The following RPS6KA2 variants were observed in gnomAD, a reference collection of about 807,000 sequenced individuals.
RPS6KA2 encodes the protein ribosomal protein S6 kinase A2.
RPS6KA2 carries 42 observed loss-of-function variants against 91.8 expected under a neutral mutation model. The observed-to-expected ratio is 0.46, with a 90% CI of 0.36 to 0.59. The LOEUF (loss-of-function observed/expected upper bound fraction) is 0.59, where lower values mean the gene tolerates loss of function less well. Ranked by LOEUF, RPS6KA2 falls within the 20% of genes least tolerant of loss-of-function variation. The pLI is 0.00. For synonymous variants in RPS6KA2, 414 were observed against 393.6 expected, an observed-to-expected ratio of 1.05 and a Z score of -0.61; for missense variants, 798 against 978.5, an observed-to-expected ratio of 0.82 and a Z score of 2.46.
chr6:166,678,100 T>G (rs1788668245), intron 2 of RPS6KA2, among the ~76,000 whole-genome samples: 1 of 152,218 alleles, frequency 6.6e-6, no homozygotes, highest in Admixed American at 6.5e-5. Context: ...GATCCACACC[T>G]GTGCTGTGTT....
chr6:166,679,939 TC>T (rs1477707825), intron 2 of RPS6KA2, among the ~76,000 whole-genome samples: 1 of 152,224 alleles, frequency 6.6e-6, no homozygotes, highest in Non-Finnish European at 1.5e-5. Context: ...GCAAAGTCCC[TC>T]GGCAGTGCCA....
intron 2 of RPS6KA2, among the ~76,000 whole-genome samples, chr6:166,803,184 CA>C (rs1779413029): frequency 6.6e-6 from 1 of 152,120 alleles, no homozygotes; most frequent in African/African-American, 2.4e-5. Context: ...AATAGAAAAT[CA>C]AAAGTATTTG....
At chr6:166,573,657 C>T (rs760299716) in intron 1 of RPS6KA2, among the ~76,000 whole-genome samples, 3 of 152,222 alleles carry the variant, frequency 2.0e-5, no homozygotes, top group Non-Finnish European at 4.4e-5. Flanking sequence ...CCGGCCTTTG[C>T]TGCACTTACT....
rs1014449309 is a variant in RPS6KA2 at position 166,849,244 on chromosome 6, G to A, written c.123+8956C>T. The stretch of plus-strand genomic sequence containing the variant: ...AGTCAGGTCGTGGCCTAAACATGGC[G>A]TGGGTAGAGAAGTCTACGGTAACCA... On this transcript the variant is annotated intron_variant, in intron 2 of 21. Coordinates refer to the RPS6KA2 transcript ENST00000503859. This position sits in a 1 kb window ranked among gnomAD's most constrained non-coding sequence, Gnocchi z 4.9. Among the ~76,000 whole-genome samples the A allele has an allele frequency of 8.5e-5, 13 of 152,194 alleles. No individual in the cohort carries two copies. Among genetic ancestry groups the A allele is most frequent in the Non-Finnish European group, 1.5e-4 (10 of 68,034 alleles).
At chr6:166,544,161 A>T (rs539570494) in intron 1 of RPS6KA2, among the ~76,000 whole-genome samples, 1 of 152,156 alleles carries the variant, frequency 6.6e-6, no homozygotes, top group Non-Finnish European at 1.5e-5. Context: ...ACTTTTAAAC[A>T]TTCTTAAAGG....
chr6:166,769,388 A>G (rs2128606194), intron 2 of RPS6KA2, among the ~76,000 whole-genome samples: 1 of 152,354 alleles, frequency 6.6e-6, no homozygotes, highest in African/African-American at 2.4e-5. Flanking sequence ...CAGACTGACA[A>G]GAGATTATGA....
At chr6:166,552,130 G>C (rs1784039118) in intron 1 of RPS6KA2, among the ~76,000 whole-genome samples, 1 of 152,186 alleles carries the variant, frequency 6.6e-6, no homozygotes, top group Non-Finnish European at 1.5e-5. Context: ...CTGACCCCAT[G>C]AACACTTACA....
intron 2 of RPS6KA2, among the ~76,000 whole-genome samples, chr6:166,705,507 C>T (rs1475437405): frequency 6.6e-6 from 1 of 152,218 alleles, no homozygotes. Flanking sequence ...AAACATCACA[C>T]TCAGTGGAGA....
At chr6:166,754,904 C>T (rs1055064034) in intron 2 of RPS6KA2, among the ~76,000 whole-genome samples, 2 of 152,178 alleles carry the variant, frequency 1.3e-5, no homozygotes, top group Non-Finnish European at 2.9e-5. Flanking sequence ...GTCGCTCACT[C>T]GTCACAGGGT....
chr6:166,488,575 T>G (rs1781488679), intron 10 of RPS6KA2, among the ~76,000 whole-genome samples: 1 of 152,228 alleles, frequency 6.6e-6, no homozygotes, highest in South Asian at 2.1e-4. Context: ...ATACTACCAT[T>G]TTGGGTAAAA....
chr6:166,548,028 G>A (rs1166035423), intron 1 of RPS6KA2, among the ~76,000 whole-genome samples: 1 of 152,226 alleles, frequency 6.6e-6, no homozygotes, highest in East Asian at 1.9e-4. Flanking sequence ...CGTCCAGCAA[G>A]TGGGGAAGAA....
At chr6:166,691,991 C>A (rs1789219840) in intron 2 of RPS6KA2, among the ~76,000 whole-genome samples, 1 of 152,170 alleles carries the variant, frequency 6.6e-6, no homozygotes, top group Non-Finnish European at 1.5e-5. Context: ...GAGCAGTCAC[C>A]CATCAGCTGA....
At chr6:166,483,359 G>A (rs1334010137) in intron 10 of RPS6KA2, among the ~76,000 whole-genome samples, 1 of 152,196 alleles carries the variant, frequency 6.6e-6, no homozygotes, top group Non-Finnish European at 1.5e-5. Context: ...CAGACCAGAA[G>A]CTCACAGAGC....
chr6:166,691,599 C>A (rs546654407), intron 2 of RPS6KA2, among the ~76,000 whole-genome samples: 1 of 152,022 alleles, frequency 6.6e-6, no homozygotes, highest in African/African-American at 2.4e-5. Context: ...CAGGGAGCTC[C>A]GACCCTCTCC....
intron 2 of RPS6KA2, among the ~76,000 whole-genome samples, chr6:166,781,089 G>A (rs1430778374): frequency 6.6e-6 from 1 of 152,162 alleles, no homozygotes; most frequent in Non-Finnish European, 1.5e-5. Context: ...TTGTAAATAA[G>A]ACATCACTCC....
chr6:166,589,051 C>T (rs1785276736), intron 1 of RPS6KA2, among the ~76,000 whole-genome samples: 1 of 152,166 alleles, frequency 6.6e-6, no homozygotes, highest in Non-Finnish European at 1.5e-5. Context: ...CTTGATGAGT[C>T]AGAGCTGAAA....
At chr6:166,605,533 A>T (rs935504024) in intron 1 of RPS6KA2, among the ~76,000 whole-genome samples, 1 of 152,218 alleles carries the variant, frequency 6.6e-6, no homozygotes, top group African/African-American at 2.4e-5. Flanking sequence ...CATGCTTCCT[A>T]TCTAGGCACG....
intron 2 of RPS6KA2, among the ~76,000 whole-genome samples, chr6:166,840,232 C>A (rs972958038): frequency 2.0e-5 from 3 of 152,064 alleles, no homozygotes; most frequent in African/African-American, 7.2e-5. Flanking sequence ...CACCTGGGCA[C>A]CAAGTTCCTG....
Position 166,508,267 on chromosome 6 carries a change from C to T in RPS6KA2, c.395G>A (p.Gly132Glu). The T allele has an allele frequency of 6.2e-7, 1 of 1,613,054 alleles. No individual in the cohort carries two copies. Among genetic ancestry groups the T allele is most frequent in the Non-Finnish European group, 8.5e-7 (1 of 1,179,032 alleles). Residue 132 changes from glycine (G) to glutamate (E), a missense_variant, in exon 5 of 21, where the codon GGA (glycine) becomes GAA (glutamate). Physicochemically the swap from Gly to Glu is moderately conservative, Grantham distance 98. Transcript: ENST00000265678. The surrounding 1 kb of genome is among the most constrained non-coding windows in gnomAD (Gnocchi z 4.3). ...GAAGTCCAGGATCAGGTAGAGCTTT[C>T]CTTCCGTCTGAAAGGCTGTGGGGGA... ...VKLHYAFQTE[G>E]KLYLILDFLR...
Sources: allele counts gnomAD v4.1 joint callset (sites outside exome capture counted in the v4.1 genomes callset), GRCh38; gene constraint gnomAD v4.1.1; non-coding constraint Gnocchi (gnomAD v3.1); transcripts MANE v1.5; gene names NCBI Gene and HGNC (gene_info 2026-07-23, HGNC 2026-07-21).